ABCC5: variants seen among roughly 807,000 people sequenced by gnomAD.
ABCC5 encodes ATP binding cassette subfamily C member 5, also known as ATP-binding cassette sub-family C member 5.
A neutral mutation model predicts 160.9 loss-of-function variants in ABCC5; 61 were observed. The ratio of observed to expected loss-of-function variants is 0.38; its 90% CI spans 0.31 to 0.47. The LOEUF (loss-of-function observed/expected upper bound fraction) is 0.47, where lower values mean the gene tolerates loss of function less well. Among genes scored for constraint, ABCC5 ranks in the 20% least tolerant of loss-of-function variants. ABCC5 has a pLI of 0.99. For synonymous variants in ABCC5, 666 were observed against 700.6 expected, an observed-to-expected ratio of 0.95 and a Z score of 0.78; for missense variants, 1,308 against 1,813.3, an observed-to-expected ratio of 0.72 and a Z score of 5.06.
chr3:183,946,010 T>G (rs1714807469), intron 23 of ABCC5, 71 bp from the exon 24 acceptor site: 4 of 1,380,124 alleles, frequency 2.9e-6, no homozygotes, highest in Non-Finnish European at 4.1e-6. Flanking sequence ...CTGGAGAACT[T>G]CCTTCATCTA....
chr3:184,006,559 T>G (rs191299154), intron 2 of ABCC5: 1 of 152,168 alleles, frequency 6.6e-6, no homozygotes, highest in Non-Finnish European at 1.5e-5. Context: ...AAAAGTACAA[T>G]GTACTAGACA....
At position 183,957,374 on chromosome 3, in the gene ABCC5, A is replaced by G. The variant is rs564714889; in HGVS notation, c.2482+2359T>C. 5.4e-5 allele frequency among the ~76,000 whole-genome samples: 7 copies of G among 129,586 alleles called. No individual in the cohort carries two copies. In the South Asian group the frequency reaches 1.7e-3, roughly 32 times the overall value. 85.0% of individuals were successfully genotyped at this position (129,586 alleles called of 152,430 possible). ...ATCGGTTACATGCGGGTCCGTGTGT[A>G]TATCACATCGGTTACATGCTTATCC... On this transcript the variant is annotated intron_variant, in intron 17 of 29. Transcript: ENST00000334444.
Position 183,936,267 on chromosome 3 carries a change from G to A in ABCC5, c.3854+1634C>T, listed in dbSNP as rs142908992. Among the ~76,000 whole-genome samples the A allele has an allele frequency of 9.6e-3, 1,455 of 152,114 alleles. 15 individuals are homozygous for A. The highest frequency in any genetic ancestry group is 0.041 in the Middle Eastern group (12 of 294). ...GGCCCTCAGCAGACACCCATCCCCG[G>A]CCTTCCCAGCCTCCAGAACTGAGAG... On this transcript the variant is annotated intron_variant, in intron 26 of 29. Transcript: ENST00000334444.
chr3:183,928,976 T>C, intron 26 of ABCC5, 151 bp from the exon 27 acceptor site: 3 of 588,240 alleles, frequency 5.1e-6, no homozygotes, highest in East Asian at 2.8e-5. Flanking sequence ...ACCAGACAGA[T>C]GGGAGCTCTG....
chr3:183,925,121 G>C (rs1446086516), intron 29 of ABCC5, among the ~76,000 whole-genome samples: 1 of 152,224 alleles, frequency 6.6e-6, no homozygotes, highest in Non-Finnish European at 1.5e-5. Flanking sequence ...ACATGTGCTG[G>C]CTGGTCTCAG....
intron 17 of ABCC5, among the ~76,000 whole-genome samples, chr3:183,956,286 A>G (rs191490162): frequency 2.1e-5 from 3 of 145,864 alleles, no homozygotes; most frequent in Non-Finnish European, 3.1e-5. Flanking sequence ...ATCCGTGTGT[A>G]TATCACATCT....
Position 183,950,115 on chromosome 3 carries a change from C to T in ABCC5, c.2955G>A (p.Arg985=), listed in dbSNP as rs1359836068. ...TGAACATCTCGGCCTGGAACGGCAG[C>T]CGCACGTCAACTGTGGAAACAAATA... ...FSKDMDEVDV[R]LPFQAEMFIQ... is the part of the protein sequence containing the mutation. Residue 985 remains arginine (R), a synonymous_variant, in exon 21 of 30, where the codon CGG becomes CGA. Transcript: ENST00000334444. 1 of 1,613,192 alleles carries T rather than the reference C, an allele frequency of 6.2e-7. No individual in the cohort carries two copies. The highest frequency in any genetic ancestry group is 1.1e-5 in the South Asian group (1 of 90,862).
chr3:183,994,039 C>T (rs539120720), intron 2 of ABCC5, among the ~76,000 whole-genome samples: 1 of 149,988 alleles, frequency 6.7e-6, no homozygotes, highest in South Asian at 2.1e-4. Flanking sequence ...TCTTGGCTCA[C>T]TGCAATCTCC....
chr3:184,013,964 T>C (rs1381062366), intron 2 of ABCC5, among the ~76,000 whole-genome samples: 1 of 152,120 alleles, frequency 6.6e-6, no homozygotes, highest in African/African-American at 2.4e-5. Flanking sequence ...CCTCCGCCTC[T>C]TGGGTTCAAG....
chr3:183,985,355 C>A lies in ABCC5; in HGVS notation c.592-2348G>T, dbSNP rs144466589. ...CAGCTTGACTCTCTCATTCTGACCG[C>A]AGAATACAGCCATCCTGAAAATTCT... On this transcript the variant is annotated intron_variant, in intron 5 of 29. Coordinates refer to ENST00000334444, the MANE Select transcript of ABCC5 (RefSeq NM_005688.4). 1.6e-5 allele frequency: 26 copies of A among 1,614,084 alleles called. No homozygotes were observed. In the African/African-American group the frequency reaches 3.5e-4, roughly 22 times the overall value.
At chr3:184,000,990 T>C (rs1207461894) in intron 2 of ABCC5, 3 of 390,918 alleles carry the variant, frequency 7.7e-6, no homozygotes, top group African/African-American at 4.1e-5. Context: ...CAGTGGCTTA[T>C]GCCTGTCATC....
intron 12 of ABCC5, among the ~76,000 whole-genome samples, chr3:183,965,983 T>C (rs1717185087): frequency 6.6e-6 from 1 of 152,072 alleles, no homozygotes; most frequent in Non-Finnish European, 1.5e-5. Context: ...GTATTTATAA[T>C]ATATACACAG....
At chr3:183,971,956 A>G in intron 10 of ABCC5, 37 bp from the exon 11 acceptor site, 1 of 1,611,432 alleles carries the variant, frequency 6.2e-7, no homozygotes, top group Non-Finnish European at 8.5e-7. Flanking sequence ...AAGATGAGAC[A>G]CTGGATCAAG....
intron 22 of ABCC5, among the ~76,000 whole-genome samples, chr3:183,947,967 C>G (rs1249153976): frequency 1.3e-5 from 2 of 152,214 alleles, no homozygotes; most frequent in Non-Finnish European, 2.9e-5. Flanking sequence ...AGTGTGTGCA[C>G]ATGCCGCCAC....
chr3:183,960,790 C>CTTTTT (rs11438378), intron 16 of ABCC5, among the ~76,000 whole-genome samples: 1 of 149,480 alleles, frequency 6.7e-6, no homozygotes. Context: ...TCTCTTATGT[C>CTTTTT]TTTTTTTTTT....
intron 25 of ABCC5, 107 bp from the exon 26 acceptor site, chr3:183,938,167 T>C: frequency 8.7e-7 from 1 of 1,145,878 alleles, no homozygotes; most frequent in East Asian, 2.4e-5. Context: ...TTCTATTCAG[T>C]TGTTATTTCA....
At chr3:184,005,307 G>A (rs1378112712) in intron 2 of ABCC5, among the ~76,000 whole-genome samples, 1 of 152,138 alleles carries the variant, frequency 6.6e-6, no homozygotes, top group Non-Finnish European at 1.5e-5. Flanking sequence ...GCAGGCTTTG[G>A]TAAGTGGAAG....
At chr3:183,985,171 T>C in intron 5 of ABCC5, 2 of 886,870 alleles carry the variant, frequency 2.3e-6, no homozygotes, top group Non-Finnish European at 3.5e-6. Flanking sequence ...TCATGAAAAA[T>C]CCAACCAAAA....
chr3:183,952,560 T>C (rs1715473272), intron 18 of ABCC5, among the ~76,000 whole-genome samples: 1 of 152,162 alleles, frequency 6.6e-6, no homozygotes, highest in Non-Finnish European at 1.5e-5. Flanking sequence ...GGTGACCGGA[T>C]TGTGGGGTGG....
Sources: gnomAD v4.1 joint callset for allele counts (sites outside exome capture counted in the v4.1 genomes callset) on GRCh38, gnomAD v4.1.1 for gene constraint, MANE v1.5 for transcripts, NCBI Gene and HGNC (gene_info 2026-07-23, HGNC 2026-07-21) for gene names.